Variants in SVIL observed in about 807,000 individuals in gnomAD.
SVIL encodes supervillin.
In SVIL, 101 loss-of-function variants were observed where a neutral mutation model predicts 240.4. The ratio of observed to expected loss-of-function variants is 0.42; its 90% CI spans 0.36 to 0.50. The LOEUF is 0.50. Ranked by LOEUF, SVIL falls within the 20% of genes least tolerant of loss-of-function variation. The pLI, the probability that SVIL is intolerant of heterozygous loss-of-function variation, is 0.01. For synonymous variants in SVIL, 999 were observed against 1,100.0 expected, an observed-to-expected ratio of 0.91 and a Z score of 1.82; for missense variants, 2,512 against 2,818.7, an observed-to-expected ratio of 0.89 and a Z score of 2.46.
At chr10:29,509,373 GAGAGAGAA>G (rs1949654461) in intron 17 of SVIL, among the ~76,000 whole-genome samples, 1 of 133,770 alleles carries the variant, frequency 7.5e-6, no homozygotes, top group South Asian at 2.5e-4. Context: ...GAGAGAGAGA[GAGAGAGAA>G]TACCCAAACA....
chr10:29,562,769 G>GAAAAAAAAAAA (rs34507610), intron 3 of SVIL, among the ~76,000 whole-genome samples: 14 of 115,748 alleles, frequency 1.2e-4, no homozygotes, highest in Non-Finnish European at 1.4e-4. Context: ...TCAAAAAAAA[G>GAAAAAAAAAAA]AAAAAAAAAA....
intron 29 of SVIL, among the ~76,000 whole-genome samples, chr10:29,479,116 G>A (rs1251959540): frequency 1.3e-5 from 2 of 152,002 alleles, no homozygotes; most frequent in African/African-American, 2.4e-5. Flanking sequence ...ACCTCAAGTC[G>A]CCTTGCTGCT....
rs1056891759 is a variant in SVIL at position 29,535,406 on chromosome 10, T to C, written c.908+583A>G. On this transcript the variant is annotated intron_variant, in intron 7 of 37. Transcript: ENST00000355867. Reference sequence around the variant, plus strand: ...AGAACAAAGTGACTGTCAGAAACTCTGTGTGTGGAGCTTTGTCCTTCCATG... The same window carrying C: ...AGAACAAAGTGACTGTCAGAAACTCCGTGTGTGGAGCTTTGTCCTTCCATG... Among the ~76,000 whole-genome samples the C allele has an allele frequency of 5.3e-5, 8 of 152,348 alleles. No homozygotes were observed. In the East Asian group the frequency reaches 1.4e-3, roughly 26 times the overall value.
chr10:29,545,337 C>T (rs1564613555), intron 6 of SVIL, among the ~76,000 whole-genome samples: 2 of 152,052 alleles, frequency 1.3e-5, no homozygotes, highest in African/African-American at 2.4e-5. Context: ...AGCCGATCGG[C>T]GGCTCTCTGG....
chr10:29,486,007 T>A, intron 26 of SVIL, 78 bp downstream of exon 26: 1 of 1,537,134 alleles, frequency 6.5e-7, no homozygotes, highest in Non-Finnish European at 8.9e-7. Flanking sequence ...GGGAACTTAC[T>A]CTCTAATCTA....
intron 17 of SVIL, among the ~76,000 whole-genome samples, chr10:29,504,169 T>G (rs1949100908): frequency 6.6e-6 from 1 of 152,190 alleles, no homozygotes; most frequent in Non-Finnish European, 1.5e-5. Context: ...ATACAAATTT[T>G]CCACCATTCC....
At chr10:29,673,855 C>A (rs1223940164) in intron 2 of SVIL, among the ~76,000 whole-genome samples, 1 of 152,150 alleles carries the variant, frequency 6.6e-6, no homozygotes, top group Non-Finnish European at 1.5e-5. Flanking sequence ...ACATTTCAAC[C>A]ATGTGTAGGT....
intron 15 of SVIL, 37 bp from the exon 16 acceptor site, chr10:29,522,672 T>A: frequency 6.3e-7 from 1 of 1,597,562 alleles, no homozygotes; most frequent in Non-Finnish European, 8.5e-7. Flanking sequence ...ACTGAACTCC[T>A]CAGGCAAACA....
At chr10:29,715,041 A>T (rs890538877) in intron 1 of SVIL, among the ~76,000 whole-genome samples, 3 of 151,888 alleles carry the variant, frequency 2.0e-5, no homozygotes, top group Non-Finnish European at 4.4e-5. Flanking sequence ...CTAAGTAAAC[A>T]CCCCTAATAT....
At chr10:29,588,628 G>C (rs935804435) in intron 1 of SVIL, among the ~76,000 whole-genome samples, 1 of 152,152 alleles carries the variant, frequency 6.6e-6, no homozygotes, top group Admixed American at 6.5e-5. Flanking sequence ...CTGACAGAGC[G>C]TGAAAGGAAA....
intron 6 of SVIL, among the ~76,000 whole-genome samples, chr10:29,543,139 T>C (rs1468233972): frequency 6.6e-6 from 1 of 152,230 alleles, no homozygotes; most frequent in African/African-American, 2.4e-5. Flanking sequence ...TTATTTATAT[T>C]CTACTGCTCA....
At chr10:29,669,402 T>C (rs1959587600) in intron 2 of SVIL, among the ~76,000 whole-genome samples, 1 of 152,178 alleles carries the variant, frequency 6.6e-6, no homozygotes, top group Non-Finnish European at 1.5e-5. Flanking sequence ...TGTTCAGTGA[T>C]GGCTGAGTGC....
chr10:29,597,016 T>G (rs375359444), intron 1 of SVIL, among the ~76,000 whole-genome samples: 5 of 152,238 alleles, frequency 3.3e-5, no homozygotes, highest in African/African-American at 1.2e-4. Context: ...CTACCAGGAA[T>G]GTCTGGTGAT....
chr10:29,483,939 G>T (rs1180333646), intron 27 of SVIL: 2 of 152,062 alleles, frequency 1.3e-5, no homozygotes, highest in African/African-American at 4.8e-5. Context: ...TGGTTCACTG[G>T]TTTCTAATCT....
intron 16 of SVIL, among the ~76,000 whole-genome samples, chr10:29,521,010 T>G (rs186915756): frequency 3.0e-3 from 456 of 150,026 alleles, no homozygotes; most frequent in African/African-American, 0.011. Flanking sequence ...GATCAGGAGG[T>G]CAGGAGATCG....
At position 29,532,588 on chromosome 10, in the gene SVIL, A is replaced by T. The variant is rs1564588995; in HGVS notation, c.1779T>A (p.Ser593=). 3.7e-6 allele frequency: 6 copies of T among 1,613,986 alleles called. No individual in the cohort carries two copies. Among genetic ancestry groups the T allele is most frequent in the Non-Finnish European group, 5.1e-6 (6 of 1,179,814 alleles). ...GGAACGCACTTCGGAGCTGGGCGAC[A>T]GAGACTTTTGTGTCCAGCATGCTGA... ...GEISMLDTKV[S]VAQLRSAFLA... The change falls in exon 8 of 38, where the codon TCT becomes TCA. Residue 593 remains serine (S), a synonymous_variant. Transcript: ENST00000355867.
chr10:29,734,982 A>C (rs1436561645), intron 1 of SVIL, among the ~76,000 whole-genome samples: 2 of 152,166 alleles, frequency 1.3e-5, no homozygotes, highest in Non-Finnish European at 2.9e-5. Flanking sequence ...AAGATCTCTC[A>C]TGCCAACGCC....
chr10:29,621,797 A>C (rs1401124956), intron 1 of SVIL, among the ~76,000 whole-genome samples: 31 of 152,156 alleles, frequency 2.0e-4, no homozygotes, highest in Admixed American at 2.0e-3. Context: ...CATTTTAATA[A>C]TAAAGATTTA....
At chr10:29,678,238 G>A (rs1205018097) in intron 2 of SVIL, among the ~76,000 whole-genome samples, 2 of 151,926 alleles carry the variant, frequency 1.3e-5, no homozygotes, top group East Asian at 3.9e-4. Flanking sequence ...TCACCATAAT[G>A]TAGAATCAGT....
Sources: gnomAD v4.1 joint callset for allele counts (sites outside exome capture counted in the v4.1 genomes callset) on GRCh38, gnomAD v4.1.1 for gene constraint, MANE v1.5 for transcripts, NCBI Gene and HGNC (gene_info 2026-07-23, HGNC 2026-07-21) for gene names.